The following BMP5 variants were observed in gnomAD, a reference collection of about 807,000 sequenced individuals.
BMP5 encodes bone morphogenetic protein 5.
Under a neutral mutation model 46.6 loss-of-function variants are expected in BMP5, and 23 were observed. The ratio of observed to expected loss-of-function variants is 0.49; its 90% CI spans 0.35 to 0.70. BMP5 has a LOEUF of 0.70. Ranked by LOEUF, BMP5 falls within the 30% of genes least tolerant of loss-of-function variation. The probability of loss-of-function intolerance (pLI) is 0.00; values close to 1 mark genes in which losing one functional copy is unlikely to be tolerated. For synonymous variants in BMP5, 204 were observed against 191.9 expected, an observed-to-expected ratio of 1.06 and a Z score of -0.52; for missense variants, 545 against 565.6, an observed-to-expected ratio of 0.96 and a Z score of 0.37.
chr6:55,868,950 A>C (rs1777714708), intron 1 of BMP5, among the ~76,000 whole-genome samples: 1 of 152,216 alleles, frequency 6.6e-6, no homozygotes, highest in Non-Finnish European at 1.5e-5. Flanking sequence ...CAGCCAATAA[A>C]ATATGAACTT....
At chr6:55,870,247 T>A (rs1777751260) in intron 1 of BMP5, among the ~76,000 whole-genome samples, 1 of 151,684 alleles carries the variant, frequency 6.6e-6, no homozygotes, top group South Asian at 2.1e-4. Context: ...TATAACTATC[T>A]CTGGCAACCC....
At chr6:55,845,498 T>C (rs1777077435) in intron 1 of BMP5, among the ~76,000 whole-genome samples, 1 of 152,130 alleles carries the variant, frequency 6.6e-6, no homozygotes, top group South Asian at 2.1e-4. Flanking sequence ...TCCCTTACTG[T>C]TAAGGTGAGT....
chr6:55,795,076 T>C (rs1215473144), intron 2 of BMP5, among the ~76,000 whole-genome samples: 1 of 152,160 alleles, frequency 6.6e-6, no homozygotes, highest in East Asian at 1.9e-4. Flanking sequence ...TGAACTTACT[T>C]ATATATTTTA....
In BMP5 at chr6:55,794,343, G is replaced by T. The variant is rs773807125; in HGVS notation, c.768C>A (p.Ser256Arg). 5.0e-6 allele frequency: 8 copies of T among 1,613,978 alleles called. No homozygotes were observed. In the South Asian group the frequency reaches 8.8e-5, roughly 18 times the overall value. ...TCTGGGGATTAATCACCCAATGATTGCTGGTCACAGTGATATCAAAGACAA... is the reference window on the plus strand; with the variant it reads ...TCTGGGGATTAATCACCCAATGATTTCTGGTCACAGTGATATCAAAGACAA... Reference protein sequence around the residue: ...GWLVFDITVTSNHWVINPQNN... With the variant: ...GWLVFDITVTRNHWVINPQNN... Residue 256 changes from serine (S) to arginine (R), a missense_variant, in exon 3 of 7, where the codon AGC becomes AGA. By Grantham distance (110) the Ser-to-Arg change is moderately radical. Coordinates refer to ENST00000370830, the MANE Select transcript of BMP5 (RefSeq NM_021073.4).
At chr6:55,845,681 T>A (rs376538471) in intron 1 of BMP5, among the ~76,000 whole-genome samples, 41 of 152,114 alleles carry the variant, frequency 2.7e-4, no homozygotes, top group Middle Eastern at 6.8e-3. Flanking sequence ...GATTGAGAAT[T>A]GGTTCCTCTT....
chr6:55,821,917 T>C (rs1202814338), intron 1 of BMP5, among the ~76,000 whole-genome samples: 1 of 152,226 alleles, frequency 6.6e-6, no homozygotes, highest in Non-Finnish European at 1.5e-5. Context: ...ACTCACTGTA[T>C]TCTTATTTTC....
intron 3 of BMP5, among the ~76,000 whole-genome samples, chr6:55,784,022 C>T (rs1040707725): frequency 4.6e-5 from 7 of 151,862 alleles, no homozygotes; most frequent in South Asian, 2.1e-4. Flanking sequence ...TTTTTAGTTG[C>T]GATGCTGAAC....
chr6:55,860,669 T>C (rs6904635), intron 1 of BMP5, among the ~76,000 whole-genome samples: 5,099 of 152,310 alleles, frequency 0.033, 260 homozygotes, highest in African/African-American at 0.11. Context: ...TCTTAGCTAC[T>C]TCTTGCCTTG....
chr6:55,764,589 A>G (rs7745699), intron 4 of BMP5, among the ~76,000 whole-genome samples: 17,273 of 147,336 alleles, frequency 0.12, 1,230 homozygotes, highest in Middle Eastern at 0.21. Flanking sequence ...AAAAAAAAAG[A>G]AAAAAAGAAA....
chr6:55,796,229 G>T (rs1483930807), intron 2 of BMP5, among the ~76,000 whole-genome samples: 1 of 152,004 alleles, frequency 6.6e-6, no homozygotes, highest in Non-Finnish European at 1.5e-5. Flanking sequence ...GGCTCATAAT[G>T]TCATCCCTTG....
intron 4 of BMP5, among the ~76,000 whole-genome samples, chr6:55,763,029 A>G (rs1474073216): frequency 2.0e-5 from 3 of 152,168 alleles, no homozygotes; most frequent in Non-Finnish European, 4.4e-5. Context: ...AAACATTTTC[A>G]AATGTAAAGA....
At chr6:55,811,448 G>A (rs1347601450) in intron 2 of BMP5, among the ~76,000 whole-genome samples, 3 of 152,116 alleles carry the variant, frequency 2.0e-5, no homozygotes, top group Admixed American at 6.6e-5. Flanking sequence ...TTCAAGTAAA[G>A]CACTTAGCAC....
chr6:55,810,736 A>T (rs905058381), intron 2 of BMP5, among the ~76,000 whole-genome samples: 2 of 152,204 alleles, frequency 1.3e-5, no homozygotes. Flanking sequence ...TAAATCTTCA[A>T]ATAGAGCAAG....
intron 1 of BMP5, among the ~76,000 whole-genome samples, chr6:55,859,072 A>G (rs1777470680): frequency 6.6e-6 from 1 of 152,220 alleles, no homozygotes; most frequent in Admixed American, 6.5e-5. Flanking sequence ...GCACATGTAT[A>G]TCTAGGTAAC....
intron 2 of BMP5, among the ~76,000 whole-genome samples, chr6:55,806,404 C>T (rs1263567151): frequency 1.3e-5 from 2 of 152,000 alleles, no homozygotes; most frequent in Admixed American, 6.6e-5. Flanking sequence ...TTTCTGAGGT[C>T]TCTGTTCTTT....
chr6:55,767,591 A>G (rs1164276555), intron 4 of BMP5, among the ~76,000 whole-genome samples: 1 of 87,270 alleles, frequency 1.1e-5, no homozygotes, highest in Non-Finnish European at 2.5e-5. Flanking sequence ...ATAGATAGAG[A>G]GAGCTAGCTA....
At position 55,759,128 on chromosome 6, in the gene BMP5, C is replaced by T. The variant is rs1774690463; in HGVS notation, c.1105-13G>A. ...CTATAATCCAGTCCTGACACATACA[C>T]ACACACACACACACACAAAAAAAAA... On this transcript the variant is annotated splice_polypyrimidine_tract_variant and intron_variant, in intron 5 of 6. Transcript: ENST00000370830. The T allele has an allele frequency of 2.4e-5, 7 of 296,880 alleles. No individual in the cohort carries two copies. The highest frequency in any genetic ancestry group is 3.0e-5 in the Non-Finnish European group (5 of 167,584). The allele number at this position is 296,880 out of a possible 1,614,324, so 18.4% of individuals were successfully genotyped here. A position where few individuals can be genotyped will look rare whatever the true frequency, so the allele number is the denominator to read the frequency against.
At chr6:55,863,136 T>G (rs1233270730) in intron 1 of BMP5, among the ~76,000 whole-genome samples, 1 of 152,174 alleles carries the variant, frequency 6.6e-6, no homozygotes, top group African/African-American at 2.4e-5. Flanking sequence ...AATGACTGAA[T>G]GAATGACCTT....
chr6:55,781,677 G>A (rs369134882), intron 3 of BMP5, among the ~76,000 whole-genome samples: 4 of 149,642 alleles, frequency 2.7e-5, no homozygotes, highest in East Asian at 2.0e-4. Flanking sequence ...ATGTGATTTC[G>A]GCTCACTGCA....
Sources: allele counts gnomAD v4.1 joint callset (sites outside exome capture counted in the v4.1 genomes callset), GRCh38; gene constraint gnomAD v4.1.1; transcripts MANE v1.5; gene names NCBI Gene and HGNC (gene_info 2026-07-23, HGNC 2026-07-21).